The following BRAF variants were observed in gnomAD, a reference collection of about 807,000 sequenced individuals.
BRAF encodes B-Raf proto-oncogene, serine/threonine kinase.
BRAF carries 16 observed loss-of-function variants against 104.6 expected under a neutral mutation model. That is an observed-to-expected ratio of 0.15 (90% CI 0.10 to 0.23). The LOEUF (loss-of-function observed/expected upper bound fraction) is 0.23, where lower values mean the gene tolerates loss of function less well. Ranked by LOEUF, BRAF falls within the 10% of genes least tolerant of loss-of-function variation. The pLI is 1.00. For synonymous variants in BRAF, 310 were observed against 341.6 expected, an observed-to-expected ratio of 0.91 and a Z score of 1.02; for missense variants, 541 against 937.3, an observed-to-expected ratio of 0.58 and a Z score of 5.52.
chr7:140,865,979 A>G (rs1469117740), intron 1 of BRAF, among the ~76,000 whole-genome samples: 1 of 152,230 alleles, frequency 6.6e-6, no homozygotes. Flanking sequence ...AGTATCAAGA[A>G]TAACTGTCCA....
In BRAF at chr7:140,778,064, C is replaced by T. The variant is rs765715150; in HGVS notation, c.1564G>A (p.Val522Met). The change falls in exon 13 of 20, where the codon GTG (valine) becomes ATG (methionine). Residue 522 changes from valine to methionine, a missense_variant. By Grantham distance (21) the Val-to-Met change is conservative (BLOSUM62 1). Around this residue, in one of 10 missense-constraint regions of BRAF, gnomAD observed 109 missense variants for 143.9 expected, o/e 0.76. Transcript: ENST00000644969. ...GGTGCTGTCACATTCAACATTTTCA[C>T]TGCCACATCACCTAAAAGGCAATTG... ...YKGKWHGDVA[V>M]KMLNVTAPTP... is the part of the protein sequence containing the mutation. The T allele has an allele frequency of 6.2e-7, 1 of 1,613,350 alleles. No homozygotes were observed. Among genetic ancestry groups the T allele is most frequent in the South Asian group, 1.1e-5 (1 of 91,056 alleles).
intron 3 of BRAF, among the ~76,000 whole-genome samples, chr7:140,828,278 C>G (rs192717434): frequency 2.2e-4 from 34 of 152,092 alleles, no homozygotes; most frequent in African/African-American, 7.7e-4. Context: ...ATGTAAAATC[C>G]ATTCTTAGTT....
chr7:140,766,947 C>A lies in BRAF; in HGVS notation c.1814+9965G>T, dbSNP rs542526841. ...AGCTCAAGTGATCTTCCCACGTTAG[C>A]TTCCCAAAGGGCTGGGATTACAGGT... On this transcript the variant is annotated intron_variant, in intron 14 of 19. Coordinates refer to ENST00000644969, the MANE Select transcript of BRAF (RefSeq NM_001374258.1). Among the ~76,000 whole-genome samples, 7 of 152,312 alleles carry A rather than the reference C, an allele frequency of 4.6e-5. No homozygotes were observed. In the East Asian group the frequency reaches 1.3e-3, roughly 29 times the overall value.
chr7:140,868,863 GA>G (rs1811256552), intron 1 of BRAF, among the ~76,000 whole-genome samples: 1 of 152,196 alleles, frequency 6.6e-6, no homozygotes, highest in South Asian at 2.1e-4. Context: ...ATGGCCAAGT[GA>G]AAGATGATGG....
chr7:140,719,813 G>C lies in BRAF; in HGVS notation c.*6681C>G. ...ATTAAAAAGTCCCCATCTTTTCACT[G>C]GGCACGCCCCAGACTCCACGAGAAC... On this transcript the variant is annotated 3_prime_UTR_variant, in exon 20 of 20. Transcript: ENST00000644969. The C allele has an allele frequency of 9.4e-7, 1 of 1,063,056 alleles. No homozygotes were observed. The highest frequency in any genetic ancestry group is 1.1e-6 in the Non-Finnish European group (1 of 877,904). 65.9% of individuals were successfully genotyped at this position (1,063,056 alleles called of 1,614,324 possible).
intron 18 of BRAF, 54 bp downstream of exon 17, chr7:140,739,758 A>G: frequency 6.2e-7 from 1 of 1,606,470 alleles, no homozygotes. Flanking sequence ...GTGCTCAGAA[A>G]TCTGTCTATG....
intron 1 of BRAF, among the ~76,000 whole-genome samples, chr7:140,855,116 GA>G (rs1458220743): frequency 1.3e-5 from 2 of 152,110 alleles, no homozygotes; most frequent in Admixed American, 1.3e-4. Flanking sequence ...GTTTGGGAGA[GA>G]AAGTCTTTCA....
At chr7:140,770,618 G>C (rs1043472511) in intron 14 of BRAF, among the ~76,000 whole-genome samples, 5 of 150,766 alleles carry the variant, frequency 3.3e-5, no homozygotes, top group African/African-American at 1.2e-4. Flanking sequence ...TCCTTGGGAT[G>C]AATCAATGAC....
At chr7:140,878,988 C>T (rs1004489928) in intron 1 of BRAF, among the ~76,000 whole-genome samples, 3 of 152,080 alleles carry the variant, frequency 2.0e-5, no homozygotes, top group Non-Finnish European at 4.4e-5. Flanking sequence ...GATTCTCCTG[C>T]CTTAGCCTCC....
chr7:140,900,879 G>A (rs1815551042), intron 1 of BRAF, among the ~76,000 whole-genome samples: 1 of 152,184 alleles, frequency 6.6e-6, no homozygotes, highest in African/African-American at 2.4e-5. Flanking sequence ...CCAAAGTGCT[G>A]AGATTACAGC....
intron 1 of BRAF, among the ~76,000 whole-genome samples, chr7:140,916,833 C>T (rs1419081741): frequency 6.6e-6 from 1 of 152,080 alleles, no homozygotes; most frequent in Non-Finnish European, 1.5e-5. Context: ...AGTATGGTAA[C>T]AAGAAATTAA....
chr7:140,843,601 T>G (rs1309885927), intron 2 of BRAF, among the ~76,000 whole-genome samples: 1 of 152,234 alleles, frequency 6.6e-6, no homozygotes, highest in Non-Finnish European at 1.5e-5. Flanking sequence ...TTACTCTGCT[T>G]TCTAGAACAT....
At chr7:140,800,582 T>C (rs1562966035) in intron 6 of BRAF, 101 bp from the exon 7 acceptor site, 92 of 1,568,264 alleles carry the variant, frequency 5.9e-5, no homozygotes, top group Non-Finnish European at 7.8e-5. Flanking sequence ...AATTCCATTC[T>C]CAGAAACAAC....
At chr7:140,795,378 A>G (rs973581642) in intron 7 of BRAF, among the ~76,000 whole-genome samples, 2 of 152,232 alleles carry the variant, frequency 1.3e-5, no homozygotes, top group African/African-American at 4.8e-5. Context: ...AAGCTGTCTC[A>G]CTTAACTCCA....
chr7:140,881,273 A>G (rs1268062127), intron 1 of BRAF, among the ~76,000 whole-genome samples: 1 of 152,224 alleles, frequency 6.6e-6, no homozygotes, highest in East Asian at 1.9e-4. Context: ...TAAAGTCACC[A>G]GCTGCATTAG....
intron 1 of BRAF, among the ~76,000 whole-genome samples, chr7:140,878,195 T>C (rs533178448): frequency 2.2e-4 from 33 of 152,174 alleles, no homozygotes; most frequent in African/African-American, 7.9e-4. Flanking sequence ...ACTGATGGCA[T>C]ACAGCAAAAG....
intron 3 of BRAF, among the ~76,000 whole-genome samples, chr7:140,814,756 C>CAT (rs201502228): frequency 0.17 from 23,826 of 138,324 alleles, 3,814 homozygotes; most frequent in African/African-American, 0.44. Context: ...CAATATATAA[C>CAT]ATATATATTA....
chr7:140,762,743 A>C (rs1798877237), intron 14 of BRAF, among the ~76,000 whole-genome samples: 1 of 152,040 alleles, frequency 6.6e-6, no homozygotes, highest in East Asian at 1.9e-4. Flanking sequence ...TCCTAGGCAG[A>C]GGACCCTGCG....
Position 140,721,351 on chromosome 7 carries a change from T to C in BRAF, c.*5143A>G, listed in dbSNP as rs1050437443. The C allele has an allele frequency of 2.5e-6, 3 of 1,212,916 alleles. No individual in the cohort carries two copies. Among genetic ancestry groups the C allele is most frequent in the African/African-American group, 3.1e-5 (2 of 64,054 alleles). The allele number at this position is 1,212,916 out of a possible 1,614,324, so 75.1% of individuals were successfully genotyped here. ...TTTAAGATTTTAGGAGTTGGGTTTC[T>C]GTCCTTTTCCACATTAAAAATACCT... On this transcript the variant is annotated 3_prime_UTR_variant, in exon 20 of 20. Coordinates refer to ENST00000644969, the MANE Select transcript of BRAF (RefSeq NM_001374258.1).
Sources: allele counts gnomAD v4.1 joint callset (sites outside exome capture counted in the v4.1 genomes callset), GRCh38; gene constraint gnomAD v4.1.1; regional missense constraint gnomAD v4.1.1; transcripts MANE v1.5; gene names NCBI Gene and HGNC (gene_info 2026-07-23, HGNC 2026-07-21).